The following NUSAP1 variants were observed in gnomAD, a reference collection of about 807,000 sequenced individuals.
NUSAP1 encodes the protein nucleolar and spindle associated protein 1, also known as nucleolar and spindle-associated protein 1.
Under a neutral mutation model 52.8 loss-of-function variants are expected in NUSAP1, and 32 were observed. The ratio of observed to expected loss-of-function variants is 0.61; its 90% CI spans 0.46 to 0.81. NUSAP1 has a LOEUF of 0.81. NUSAP1 is among the 40% of genes least tolerant of loss of function. The pLI is 0.00. For synonymous variants in NUSAP1, 195 were observed against 183.1 expected (o/e 1.06, Z -0.52); for missense variants, 499 against 522.3 (o/e 0.96, Z 0.43).
chr15:41,342,640 C>A (rs902409018), intron 2 of NUSAP1, among the ~76,000 whole-genome samples, 186 bp downstream of exon 2: 1 of 152,088 alleles, frequency 6.6e-6, no homozygotes. Context: ...GAGTTCGAGA[C>A]CAGCCTGGCC....
chr15:41,335,644 A>G (rs2048094621), intron 1 of NUSAP1, among the ~76,000 whole-genome samples: 1 of 139,928 alleles, frequency 7.1e-6, no homozygotes, highest in Admixed American at 7.4e-5. Flanking sequence ...CTATATATAA[A>G]TATATTAAAT....
chr15:41,365,640 A>C, intron 7 of NUSAP1, 51 bp downstream of exon 7: 1 of 1,409,780 alleles, frequency 7.1e-7, no homozygotes, highest in Non-Finnish European at 9.5e-7. Context: ...CACATGGACT[A>C]TATAAAAAAA....
chr15:41,341,381 C>A (rs2048361532), intron 1 of NUSAP1, among the ~76,000 whole-genome samples: 1 of 152,104 alleles, frequency 6.6e-6, no homozygotes, highest in Non-Finnish European at 1.5e-5. Flanking sequence ...ACTTTTAAAG[C>A]ACAGGAAAAT....
At chr15:41,365,724 C>CTT (rs757052862) in intron 7 of NUSAP1, 135 bp downstream of exon 7, 697 of 416,464 alleles carry the variant, frequency 1.7e-3, no homozygotes, top group Middle Eastern at 2.2e-3. Context: ...TTTTCTTTTT[C>CTT]TTTTTTTTTT....
intron 10 of NUSAP1, among the ~76,000 whole-genome samples, chr15:41,378,158 TTGCATGAC>T (rs2050048120): frequency 6.6e-6 from 1 of 152,178 alleles, no homozygotes; most frequent in Non-Finnish European, 1.5e-5. Flanking sequence ...AGCACTGCTC[TTGCATGAC>T]TCATCTGCCT....
intron 6 of NUSAP1, among the ~76,000 whole-genome samples, chr15:41,359,879 C>CCTTG (rs2049106938): frequency 1.3e-5 from 2 of 151,066 alleles, no homozygotes; most frequent in Non-Finnish European, 2.9e-5. Context: ...GTGATCAACC[C>CCTTG]ACCTCCCAAA....
At chr15:41,374,834 T>G (rs975646624) in intron 8 of NUSAP1, among the ~76,000 whole-genome samples, 22 of 151,828 alleles carry the variant, frequency 1.4e-4, no homozygotes, top group Middle Eastern at 3.4e-3. Context: ...TTCTTTTTTT[T>G]CTTTGTTTGT....
In NUSAP1 at chr15:41,371,663, A is replaced by G. The variant is rs749320630; in HGVS notation, c.985A>G (p.Ile329Val). The G allele has an allele frequency of 8.2e-6, 13 of 1,585,302 alleles. No homozygotes were observed. Among genetic ancestry groups the G allele is most frequent in the Admixed American group, 2.0e-5 (1 of 49,970 alleles). Reference sequence around the variant, plus strand: ...GCTTGGGACACACAAATTAAAGACCATCACGGGGAATTCTGCTGCTGGTAA... The same window carrying G: ...GCTTGGGACACACAAATTAAAGACCGTCACGGGGAATTCTGCTGCTGGTAA... ...AVLGTHKLKT[I>V]TGNSAAVITP... The change falls in exon 8 of 11, where the codon ATC (isoleucine) becomes GTC (valine). Residue 329 changes from isoleucine to valine, a missense_variant. By Grantham distance (29) the Ile-to-Val change is conservative. Coordinates refer to ENST00000559596, the MANE Select transcript of NUSAP1 (RefSeq NM_016359.5).
Position 41,349,074 on chromosome 15 carries a change from G to A in NUSAP1, c.163-24G>A, listed in dbSNP as rs1434259162. ...ATTATAACTGTAGACATAGCACATA[G>A]CAGATTAATACCTCTCTTTTCAGGA... On this transcript the variant is annotated intron_variant, in intron 2 of 10. Transcript: ENST00000559596. The A allele has an allele frequency of 1.6e-5, 26 of 1,609,190 alleles. No homozygotes were observed. The East Asian group carries it at 3.1e-4, about 19-fold the overall frequency.
Position 41,377,187 on chromosome 15 carries a change from C to G in NUSAP1, c.1124-9C>G. ...CTTTTTAAAATTCTTTGTCTCTGTC[C>G]TAAACTAGGAAAGCTAAAACCATGG... On this transcript the variant is annotated splice_polypyrimidine_tract_variant and intron_variant, in intron 9 of 10. Transcript: ENST00000559596. 7.2e-7 allele frequency: 1 copy of G among 1,388,024 alleles called. No homozygotes were observed. Among genetic ancestry groups the G allele is most frequent in the Non-Finnish European group, 9.9e-7 (1 of 1,013,566 alleles). 86.0% of individuals were successfully genotyped at this position (1,388,024 alleles called of 1,614,324 possible).
chr15:41,346,463 T>G (rs2048573087), intron 2 of NUSAP1, among the ~76,000 whole-genome samples: 1 of 151,984 alleles, frequency 6.6e-6, no homozygotes, highest in Non-Finnish European at 1.5e-5. Flanking sequence ...TCACTACACC[T>G]TGTTACTTTT....
intron 10 of NUSAP1, among the ~76,000 whole-genome samples, chr15:41,379,637 C>T (rs925455659): frequency 2.0e-5 from 3 of 152,068 alleles, no homozygotes; most frequent in East Asian, 3.9e-4. Flanking sequence ...CTCCGCCTCC[C>T]GGGTTCAAGG....
intron 6 of NUSAP1, 110 bp from the exon 7 acceptor site, chr15:41,365,292 G>A (rs2049348716): frequency 1.2e-6 from 1 of 834,546 alleles, no homozygotes; most frequent in Non-Finnish European, 1.8e-6. Flanking sequence ...GAGTAGCTGG[G>A]ACTATAGGCA....
At chr15:41,376,849 C>CA (rs1314888575) in intron 9 of NUSAP1, among the ~76,000 whole-genome samples, 1 of 151,850 alleles carries the variant, frequency 6.6e-6, no homozygotes, top group African/African-American at 2.4e-5. Context: ...CCAAGGCAGG[C>CA]AGATTGCTTG....
At chr15:41,342,332 G>A (rs893112176) in intron 1 of NUSAP1, 54 bp from the exon 2 acceptor site, 5 of 1,202,120 alleles carry the variant, frequency 4.2e-6, no homozygotes, top group Non-Finnish European at 4.8e-6. Flanking sequence ...AATATTCAAC[G>A]TATCTTCCTT....
chr15:41,337,931 C>CT (rs757341496), intron 1 of NUSAP1, among the ~76,000 whole-genome samples: 9,728 of 111,006 alleles, frequency 0.088, 609 homozygotes, highest in African/African-American at 0.15. Context: ...TTTCTTTTTT[C>CT]TTTTTTTTTT....
At chr15:41,360,617 C>T (rs2049135206) in intron 6 of NUSAP1, among the ~76,000 whole-genome samples, 1 of 151,908 alleles carries the variant, frequency 6.6e-6, no homozygotes, top group Non-Finnish European at 1.5e-5. Flanking sequence ...CGCCCAGCCC[C>T]TGCTAATTTT....
At chr15:41,358,455 G>A (rs1187974092) in intron 6 of NUSAP1, among the ~76,000 whole-genome samples, 197 bp downstream of exon 6, 1 of 152,142 alleles carries the variant, frequency 6.6e-6, no homozygotes, top group Non-Finnish European at 1.5e-5. Flanking sequence ...GTGAATCCAT[G>A]GCCAAGCGCA....
intron 8 of NUSAP1, among the ~76,000 whole-genome samples, chr15:41,374,510 GA>G (rs1212914909): frequency 1.3e-5 from 2 of 152,184 alleles, no homozygotes; most frequent in East Asian, 3.9e-4. Flanking sequence ...GGGATCGCAG[GA>G]GATACAAACA....
Sources: gnomAD v4.1 joint callset for allele counts (sites outside exome capture counted in the v4.1 genomes callset) on GRCh38, gnomAD v4.1.1 for gene constraint, MANE v1.5 for transcripts, NCBI Gene and HGNC (gene_info 2026-07-23, HGNC 2026-07-21) for gene names.